Variants in PDE4B observed in about 807,000 individuals in gnomAD.
PDE4B encodes the protein 3',5'-cyclic-AMP phosphodiesterase 4B.
In PDE4B, 20 loss-of-function variants were observed where a neutral mutation model predicts 82.2. The ratio of observed to expected loss-of-function variants is 0.24; its 90% CI spans 0.17 to 0.35. The LOEUF is 0.35. Ranked by LOEUF, PDE4B falls within the 10% of genes least tolerant of loss-of-function variation. The pLI is 1.00. For synonymous variants in PDE4B, 320 were observed against 318.9 expected (o/e 1.00, Z -0.04); for missense variants, 655 against 907.2 (o/e 0.72, Z 3.57).
chr1:66,369,965 T>G (rs1031699522), intron 16 of PDE4B, among the ~76,000 whole-genome samples: 1 of 151,526 alleles, frequency 6.6e-6, no homozygotes, highest in South Asian at 2.1e-4. Flanking sequence ...CTGGCCAACA[T>G]GGTGAAACCC....
At chr1:65,859,965 A>G (rs987690542) in intron 1 of PDE4B, among the ~76,000 whole-genome samples, 1 of 152,130 alleles carries the variant, frequency 6.6e-6, no homozygotes, top group Non-Finnish European at 1.5e-5. Context: ...CCACTGATCT[A>G]TGTTCTTTGA....
At chr1:66,331,830 A>G (rs1442001613) in intron 7 of PDE4B, 1 of 985,218 alleles carries the variant, frequency 1.0e-6, no homozygotes, top group Non-Finnish European at 1.2e-6. Flanking sequence ...TTTAGACTGG[A>G]GTCTTATCAG....
intron 3 of PDE4B, among the ~76,000 whole-genome samples, chr1:66,167,936 C>T (rs1646767335): frequency 6.6e-6 from 1 of 152,150 alleles, no homozygotes; most frequent in South Asian, 2.1e-4. Context: ...AACATATGCA[C>T]CAATGCCTCT....
chr1:65,805,829 A>G (rs1301481648), intron 1 of PDE4B, among the ~76,000 whole-genome samples: 2 of 152,112 alleles, frequency 1.3e-5, no homozygotes, highest in African/African-American at 4.8e-5. Context: ...GTTTGATGCT[A>G]TTTTGAATCT....
chr1:65,992,021 GT>G (rs1422519129), intron 3 of PDE4B, among the ~76,000 whole-genome samples: 1 of 152,108 alleles, frequency 6.6e-6, no homozygotes, highest in East Asian at 1.9e-4. Context: ...TGAGGGTAAT[GT>G]TTATTGTAAT....
chr1:65,864,527 C>A (rs1437275200), intron 1 of PDE4B, among the ~76,000 whole-genome samples: 4 of 152,154 alleles, frequency 2.6e-5, no homozygotes, highest in South Asian at 4.1e-4. Context: ...GGCTGATGAC[C>A]TTTGGATGGG....
intron 3 of PDE4B, among the ~76,000 whole-genome samples, chr1:66,150,677 T>C (rs1646374310): frequency 6.6e-6 from 1 of 152,222 alleles, no homozygotes; most frequent in African/African-American, 2.4e-5. Flanking sequence ...GGGTTTTTCA[T>C]AGATGTCTTT....
intron 8 of PDE4B, among the ~76,000 whole-genome samples, chr1:66,338,932 T>G (rs1241748745): frequency 2.8e-5 from 4 of 142,910 alleles, no homozygotes; most frequent in Non-Finnish European, 6.0e-5. Context: ...GGCAGGAGAA[T>G]GGCGTGAACC....
chr1:66,195,254 A>G lies in PDE4B; in HGVS notation c.282-52206A>G, dbSNP rs536341495. ...CAGATGAATAGGACTACCCTGAAAA[A>G]TTTATAATTTTCCAGAGCTTCCATG... is the stretch of plus-strand genomic sequence containing the variant. On this transcript the variant is annotated intron_variant, in intron 3 of 16. Transcript: ENST00000341517. Among the ~76,000 whole-genome samples the G allele has an allele frequency of 3.3e-5, 5 of 152,278 alleles. No homozygotes were observed. In the East Asian group the frequency reaches 9.6e-4, roughly 29 times the overall value.
chr1:66,140,081 T>C (rs1646141447), intron 3 of PDE4B, among the ~76,000 whole-genome samples: 1 of 152,184 alleles, frequency 6.6e-6, no homozygotes, highest in Non-Finnish European at 1.5e-5. Context: ...AAACACAGGA[T>C]GGAGCAGTAA....
chr1:65,950,832 A>T (rs1252660306), intron 3 of PDE4B, among the ~76,000 whole-genome samples: 2 of 152,072 alleles, frequency 1.3e-5, no homozygotes, highest in East Asian at 3.9e-4. Context: ...CAACCAGAAA[A>T]GGGAATGTGG....
At position 66,141,136 on chromosome 1, in the gene PDE4B, T is replaced by C. The variant is rs371678102; in HGVS notation, c.282-106324T>C. Among the ~76,000 whole-genome samples, 9 of 151,984 alleles carry C rather than the reference T, an allele frequency of 5.9e-5. No individual in the cohort carries two copies. In the East Asian group the frequency reaches 7.7e-4, roughly 13 times the overall value. ...TATAAGCTATACCTAGAAAATTTACTCTTCAATCATTTATTAAACATTTAT... is the reference window on the plus strand; with the variant it reads ...TATAAGCTATACCTAGAAAATTTACCCTTCAATCATTTATTAAACATTTAT... On this transcript the variant is annotated intron_variant, in intron 3 of 16. Transcript: ENST00000341517.
chr1:66,093,018 T>TA (rs1162880133), intron 3 of PDE4B, among the ~76,000 whole-genome samples: 2 of 152,116 alleles, frequency 1.3e-5, no homozygotes, highest in South Asian at 2.1e-4. Context: ...TAAATGTATT[T>TA]AAAAAATCAC....
intron 7 of PDE4B, among the ~76,000 whole-genome samples, chr1:66,315,904 G>A (rs1375767692): frequency 1.3e-5 from 2 of 152,106 alleles, no homozygotes; most frequent in African/African-American, 4.8e-5. Flanking sequence ...AGTTTTCACT[G>A]AGGGCTTGGT....
chr1:66,071,414 C>T (rs757732430), intron 3 of PDE4B, among the ~76,000 whole-genome samples: 9 of 152,026 alleles, frequency 5.9e-5, no homozygotes, highest in Non-Finnish European at 1.3e-4. Context: ...ATATTAAACT[C>T]CAATGTTGGC....
chr1:65,910,973 C>G (rs1647084167), intron 1 of PDE4B, among the ~76,000 whole-genome samples: 1 of 151,960 alleles, frequency 6.6e-6, no homozygotes, highest in Non-Finnish European at 1.5e-5. Flanking sequence ...GACTTTTTTC[C>G]CTAAATATAA....
intron 3 of PDE4B, among the ~76,000 whole-genome samples, chr1:66,223,119 C>T (rs972710783): frequency 2.6e-5 from 4 of 151,970 alleles, no homozygotes; most frequent in Non-Finnish European, 4.4e-5. Context: ...AAGCAAAAAC[C>T]GACAAGGTTT....
chr1:66,012,155 GTTGT>G (rs928452616), intron 3 of PDE4B, among the ~76,000 whole-genome samples: 8 of 152,062 alleles, frequency 5.3e-5, no homozygotes, highest in Admixed American at 3.3e-4. Context: ...ACTCCTAGGG[GTTGT>G]TTATTTTTCA....
chr1:66,260,792 G>T (rs1039111839), intron 6 of PDE4B, among the ~76,000 whole-genome samples: 17 of 152,048 alleles, frequency 1.1e-4, no homozygotes, highest in Non-Finnish European at 4.4e-5. Context: ...GAACTTTTAG[G>T]AACCAAGTAC....
Sources: allele counts gnomAD v4.1 joint callset (sites outside exome capture counted in the v4.1 genomes callset), GRCh38; gene constraint gnomAD v4.1.1; transcripts MANE v1.5; gene names NCBI Gene and HGNC (gene_info 2026-07-23, HGNC 2026-07-21).